SORCS2: variants seen among roughly 807,000 people sequenced by gnomAD.
SORCS2 encodes the protein VPS10 domain-containing receptor SorCS2.
A neutral mutation model predicts 141.6 loss-of-function variants in SORCS2; 100 were observed. That is an observed-to-expected ratio of 0.71 (90% CI 0.60 to 0.83). SORCS2 has a LOEUF of 0.83. Ranked by LOEUF, SORCS2 falls within the 40% of genes least tolerant of loss-of-function variation. The pLI is 0.00. For missense variants in SORCS2, 1,646 were observed against 1,560.2 expected, an observed-to-expected ratio of 1.05 and a Z score of -0.93; for synonymous variants, 789 against 676.9, an observed-to-expected ratio of 1.17 and a Z score of -2.57.
intron 1 of SORCS2, among the ~76,000 whole-genome samples, chr4:7,252,723 C>T (rs888053229): frequency 6.6e-6 from 1 of 152,196 alleles, no homozygotes; most frequent in Non-Finnish European, 1.5e-5. Context: ...GTCTGACAGG[C>T]GTCAGCCAGG....
intron 3 of SORCS2, among the ~76,000 whole-genome samples, chr4:7,588,588 A>C (rs554354172): frequency 1.3e-5 from 2 of 152,292 alleles, no homozygotes; most frequent in East Asian, 3.9e-4. Context: ...ACCTTGGTTC[A>C]GGGGAATCAC....
intron 2 of SORCS2, among the ~76,000 whole-genome samples, chr4:7,460,798 G>A (rs1207278029): frequency 6.6e-6 from 1 of 152,172 alleles, no homozygotes; most frequent in African/African-American, 2.4e-5. Flanking sequence ...GTGACAGCTC[G>A]ATGTTGCATT....
chr4:7,591,329 T>C (rs1302586125), intron 3 of SORCS2, among the ~76,000 whole-genome samples: 1 of 152,140 alleles, frequency 6.6e-6, no homozygotes, highest in Non-Finnish European at 1.5e-5. Flanking sequence ...CTACAAGCTG[T>C]CCTGCCAGAG....
At chr4:7,371,539 C>T (rs375442038) in intron 1 of SORCS2, among the ~76,000 whole-genome samples, 1 of 152,190 alleles carries the variant, frequency 6.6e-6, no homozygotes, top group Non-Finnish European at 1.5e-5. Flanking sequence ...ATGAGTGAGT[C>T]AGAGCCTAGG....
At chr4:7,271,892 C>A (rs2108843434) in intron 1 of SORCS2, among the ~76,000 whole-genome samples, 1 of 152,322 alleles carries the variant, frequency 6.6e-6, no homozygotes, top group South Asian at 2.1e-4. Context: ...GCTGCAGAGG[C>A]AGGTCCCAGG....
chr4:7,531,156 CA>C (rs1711602786), intron 2 of SORCS2, among the ~76,000 whole-genome samples: 1 of 152,204 alleles, frequency 6.6e-6, no homozygotes. Context: ...TGATTTCAGG[CA>C]GTGAACTATC....
intron 2 of SORCS2, among the ~76,000 whole-genome samples, chr4:7,464,870 G>C (rs1026657024): frequency 6.6e-6 from 1 of 152,218 alleles, no homozygotes; most frequent in African/African-American, 2.4e-5. Flanking sequence ...TGGGAGAGGT[G>C]GGTGATGCTG....
At chr4:7,535,586 C>A (rs1712053245) in intron 3 of SORCS2, among the ~76,000 whole-genome samples, 1 of 152,254 alleles carries the variant, frequency 6.6e-6, no homozygotes, top group African/African-American at 2.4e-5. Flanking sequence ...TTGTCAAGTG[C>A]TCAGATCCGG....
At chr4:7,392,495 T>G (rs1448469940) in intron 1 of SORCS2, among the ~76,000 whole-genome samples, 1 of 152,118 alleles carries the variant, frequency 6.6e-6, no homozygotes, top group Non-Finnish European at 1.5e-5. Context: ...ACTGATGGAT[T>G]TTTCCGCTCT....
intron 1 of SORCS2, among the ~76,000 whole-genome samples, chr4:7,260,735 G>C (rs1193848059): frequency 6.6e-6 from 1 of 152,230 alleles, no homozygotes; most frequent in African/African-American, 2.4e-5. Context: ...GGCAGAACCA[G>C]AGAGACTTCC....
chr4:7,506,571 A>G (rs1732290964), intron 2 of SORCS2, among the ~76,000 whole-genome samples: 1 of 152,122 alleles, frequency 6.6e-6, no homozygotes, highest in Admixed American at 6.5e-5. Flanking sequence ...TGGAACCCGT[A>G]AGTCACAAAC....
intron 1 of SORCS2, among the ~76,000 whole-genome samples, chr4:7,254,750 G>A (rs6836917): frequency 0.025 from 3,829 of 152,266 alleles, 176 homozygotes; most frequent in African/African-American, 0.088. Flanking sequence ...GGCTTGGGCC[G>A]GTGACTGGGC....
At chr4:7,734,492 T>C in intron 25 of SORCS2, 118 bp downstream of exon 25, 1 of 682,800 alleles carries the variant, frequency 1.5e-6, no homozygotes, top group Non-Finnish European at 2.4e-6. Context: ...AAGGGAGTGG[T>C]GAGAGTTTGT....
intron 1 of SORCS2, among the ~76,000 whole-genome samples, chr4:7,257,445 G>T (rs376765082): frequency 2.6e-5 from 4 of 152,126 alleles, no homozygotes; most frequent in African/African-American, 9.7e-5. Flanking sequence ...AGGCGGCAGG[G>T]CAGGGAGAGC....
At chr4:7,293,214 G>T (rs909805196) in intron 1 of SORCS2, among the ~76,000 whole-genome samples, 1 of 151,934 alleles carries the variant, frequency 6.6e-6, no homozygotes, top group Admixed American at 6.6e-5. Context: ...TAAGGCAGGA[G>T]AATGGCGTGA....
chr4:7,715,103 C>G (rs901532675), intron 16 of SORCS2, 80 bp from the exon 17 acceptor site: 3 of 1,577,944 alleles, frequency 1.9e-6, no homozygotes, highest in Non-Finnish European at 2.6e-6. Context: ...TTCTCAGCTC[C>G]CCCAGATTTC....
At chr4:7,365,474 A>T (rs1331355211) in intron 1 of SORCS2, among the ~76,000 whole-genome samples, 24 of 152,106 alleles carry the variant, frequency 1.6e-4, no homozygotes, top group Non-Finnish European at 1.5e-5. Context: ...TGTCCACCAG[A>T]GCTGTCGAGA....
intron 2 of SORCS2, among the ~76,000 whole-genome samples, chr4:7,517,536 G>A (rs530185839): frequency 5.9e-5 from 9 of 152,240 alleles, no homozygotes; most frequent in African/African-American, 2.2e-4. Context: ...ACAGTGCCTC[G>A]AAAAATCAGT....
At chr4:7,241,373 G>T (rs369797425) in intron 1 of SORCS2, among the ~76,000 whole-genome samples, 1 of 152,308 alleles carries the variant, frequency 6.6e-6, no homozygotes, top group African/African-American at 2.4e-5. Context: ...TGGGACATGG[G>T]CCCCGGTTGT....
Sources: allele counts gnomAD v4.1 joint callset (sites outside exome capture counted in the v4.1 genomes callset), GRCh38; gene constraint gnomAD v4.1.1; transcripts MANE v1.5; gene names NCBI Gene and HGNC (gene_info 2026-07-23, HGNC 2026-07-21).